Variants in TMEM170B observed in about 807,000 individuals in gnomAD.
TMEM170B encodes transmembrane protein 170B.
A neutral mutation model predicts 13.0 loss-of-function variants in TMEM170B; 6 were observed. The ratio of observed to expected loss-of-function variants is 0.46; its 90% CI spans 0.25 to 0.91. The LOEUF (loss-of-function observed/expected upper bound fraction) is 0.91, where lower values mean the gene tolerates loss of function less well. Ranked by LOEUF, TMEM170B falls within the 40% of genes least tolerant of loss-of-function variation. TMEM170B has a pLI of 0.17. For synonymous variants in TMEM170B, 61 were observed against 64.9 expected, an observed-to-expected ratio of 0.94 and a Z score of 0.29; for missense variants, 138 against 165.2, an observed-to-expected ratio of 0.84 and a Z score of 0.90.
At chr6:11,560,882 A>G (rs1759655354) in intron 1 of TMEM170B, among the ~76,000 whole-genome samples, 1 of 152,180 alleles carries the variant, frequency 6.6e-6, no homozygotes, top group Non-Finnish European at 1.5e-5. Flanking sequence ...CTCATAAATA[A>G]TGTTGTTGAA....
intron 2 of TMEM170B, among the ~76,000 whole-genome samples, chr6:11,574,505 A>G (rs1023967353): frequency 6.6e-6 from 1 of 152,168 alleles, no homozygotes; most frequent in Non-Finnish European, 1.5e-5. Flanking sequence ...GTATTTTCAG[A>G]TAACTTCTCG....
chr6:11,552,505 G>T (rs971361395), intron 1 of TMEM170B, among the ~76,000 whole-genome samples: 4 of 152,180 alleles, frequency 2.6e-5, no homozygotes, highest in Non-Finnish European at 5.9e-5. Context: ...ATATCAATTT[G>T]CAAACCAGGA....
At chr6:11,546,730 A>G (rs1759446154) in intron 1 of TMEM170B, among the ~76,000 whole-genome samples, 1 of 152,268 alleles carries the variant, frequency 6.6e-6, no homozygotes, top group South Asian at 2.1e-4. Flanking sequence ...TAGGAGCAAT[A>G]GGCTATACCA....
chr6:11,557,087 A>G (rs1483739925), intron 1 of TMEM170B, among the ~76,000 whole-genome samples: 1 of 152,154 alleles, frequency 6.6e-6, no homozygotes, highest in Admixed American at 6.5e-5. Flanking sequence ...GTCTTTAACA[A>G]TCTGTAAAAA....
intron 1 of TMEM170B, among the ~76,000 whole-genome samples, chr6:11,562,317 G>A (rs967718739): frequency 6.6e-6 from 1 of 151,348 alleles, no homozygotes; most frequent in Admixed American, 6.6e-5. Context: ...TGAGAGTAAT[G>A]ATCTGAAATA....
At chr6:11,562,641 C>G (rs927369011) in intron 1 of TMEM170B, among the ~76,000 whole-genome samples, 1 of 151,958 alleles carries the variant, frequency 6.6e-6, no homozygotes, top group Non-Finnish European at 1.5e-5. Context: ...ACATAGAGAG[C>G]TTATGTACCC....
rs564647193 is a variant in TMEM170B at position 11,575,092 on chromosome 6, T to G, written c.269-339T>G. Among the ~76,000 whole-genome samples, 535 of 152,244 alleles carry G rather than the reference T, an allele frequency of 3.5e-3. 4 individuals are homozygous for G. Among genetic ancestry groups the G allele is most frequent in the Admixed American group, 5.7e-3 (87 of 15,270 alleles). ...TTATACTGTATGTTTACAAAAATGC[T>G]AAAGAGGTCTAGTTAATTGAATGCC... On this transcript the variant is annotated intron_variant, in intron 2 of 2. Transcript: ENST00000379426. This position sits in a 1 kb window ranked among gnomAD's most constrained non-coding sequence, Gnocchi z 4.1.
chr6:11,560,014 A>T (rs946436218), intron 1 of TMEM170B, among the ~76,000 whole-genome samples: 1 of 151,770 alleles, frequency 6.6e-6, no homozygotes, highest in Non-Finnish European at 1.5e-5. Context: ...TGACTTTCGG[A>T]GTTTTAAATA....
intron 1 of TMEM170B, among the ~76,000 whole-genome samples, chr6:11,548,338 C>T (rs1454158557): frequency 1.3e-5 from 2 of 152,182 alleles, no homozygotes; most frequent in African/African-American, 4.8e-5. Context: ...CTCATCATCG[C>T]TGGCCATCAG....
Sources: allele counts gnomAD v4.1 joint callset (sites outside exome capture counted in the v4.1 genomes callset), GRCh38; gene constraint gnomAD v4.1.1; non-coding constraint Gnocchi (gnomAD v3.1); transcripts MANE v1.5; gene names NCBI Gene and HGNC (gene_info 2026-07-23, HGNC 2026-07-21).